Variants in PCED1B observed in about 807,000 individuals in gnomAD.
The protein encoded by PCED1B is PC-esterase domain-containing protein 1B.
For synonymous variants in PCED1B, 251 were observed against 246.1 expected (o/e 1.02, Z -0.19); for missense variants, 573 against 573.9 (o/e 1.00, Z 0.02).
intron 1 of PCED1B, among the ~76,000 whole-genome samples, chr12:47,101,835 A>G (rs534889158): frequency 6.6e-6 from 1 of 152,234 alleles, no homozygotes; most frequent in Admixed American, 6.5e-5. Flanking sequence ...AATCCCAGCT[A>G]CCGGGGAAGC....
At chr12:47,170,386 G>A (rs982678003) in intron 2 of PCED1B, among the ~76,000 whole-genome samples, 3 of 152,122 alleles carry the variant, frequency 2.0e-5, no homozygotes, top group Non-Finnish European at 2.9e-5. Flanking sequence ...ATCATGGCCC[G>A]TTCTCAATGA....
chr12:47,142,060 C>T (rs1350677495), intron 2 of PCED1B, among the ~76,000 whole-genome samples: 2 of 152,188 alleles, frequency 1.3e-5, no homozygotes, highest in Non-Finnish European at 2.9e-5. Flanking sequence ...ATCCATGCAT[C>T]TGGCAACAGG....
intron 1 of PCED1B, among the ~76,000 whole-genome samples, chr12:47,099,700 A>G (rs10785655): frequency 0.85 from 129,243 of 152,162 alleles, 55,377 homozygotes; most frequent in East Asian, 0.96. Flanking sequence ...GCATGAGGAA[A>G]ACAGGAAATT....
intron 2 of PCED1B, among the ~76,000 whole-genome samples, chr12:47,133,790 T>C (rs1940230544): frequency 6.6e-6 from 1 of 152,182 alleles, no homozygotes; most frequent in Non-Finnish European, 1.5e-5. Context: ...AAAAAGTTTA[T>C]ATATTGAAAT....
At chr12:47,091,107 A>G (rs1189347666) in intron 1 of PCED1B, among the ~76,000 whole-genome samples, 1 of 152,148 alleles carries the variant, frequency 6.6e-6, no homozygotes, top group East Asian at 1.9e-4. Context: ...CAACTCTAGT[A>G]GTAACTCCCA....
At chr12:47,090,659 A>T (rs1938224262) in intron 1 of PCED1B, among the ~76,000 whole-genome samples, 1 of 152,148 alleles carries the variant, frequency 6.6e-6, no homozygotes, top group African/African-American at 2.4e-5. Flanking sequence ...AACAACATAG[A>T]TTAGCTCACC....
At chr12:47,175,691 A>G (rs1941900793) in intron 2 of PCED1B, among the ~76,000 whole-genome samples, 1 of 151,982 alleles carries the variant, frequency 6.6e-6, no homozygotes, top group East Asian at 1.9e-4. Context: ...CTCCTGCCTC[A>G]GCCTCCCAAG....
chr12:47,217,470 GAGAAAGAAAGAAAGAAAGAAAGAA>G lies in PCED1B; in HGVS notation c.-58+806_-58+829del, dbSNP rs200992609. ...AAAGAAAGAAAGAAAAAGAAAGAAA[GAGAAAGAAAGAAAGAAAGAAAGAA>G]AGAAAGAAAGAAAGAAAGAAAGAAG... On this transcript the variant is annotated intron_variant, in intron 3 of 3. Transcript: ENST00000546455. Among the ~76,000 whole-genome samples, 30 of 90,870 alleles carry G rather than the reference GAGAAAGAAAGAAAGAAAGAAAGAA, an allele frequency of 3.3e-4. 2 individuals are homozygous for G. The highest frequency in any genetic ancestry group is 1.5e-3 in the African/African-American group (30 of 20,062). The allele number at this position is 90,870 out of a possible 152,430, so 59.6% of individuals were successfully genotyped here. A position where few individuals can be genotyped will look rare whatever the true frequency, so the allele number is the denominator to read the frequency against.
At chr12:47,177,899 A>T (rs771108817) in intron 2 of PCED1B, among the ~76,000 whole-genome samples, 18 of 152,234 alleles carry the variant, frequency 1.2e-4, no homozygotes, top group Middle Eastern at 3.4e-3. Flanking sequence ...GTGAGCCGAG[A>T]TCGTGTCACT....
chr12:47,136,470 G>C (rs967708630), intron 2 of PCED1B, among the ~76,000 whole-genome samples: 6 of 152,144 alleles, frequency 3.9e-5, no homozygotes, highest in African/African-American at 1.4e-4. Context: ...TGAATAATAA[G>C]AAGGCAGCAT....
chr12:47,224,947 T>C (rs1943590919), intron 3 of PCED1B, among the ~76,000 whole-genome samples: 1 of 152,226 alleles, frequency 6.6e-6, no homozygotes, highest in South Asian at 2.1e-4. Flanking sequence ...GTTTTCTTTT[T>C]TTGACACAGA....
At chr12:47,125,726 T>G (rs1187830799) in intron 2 of PCED1B, among the ~76,000 whole-genome samples, 2 of 152,112 alleles carry the variant, frequency 1.3e-5, no homozygotes, top group African/African-American at 4.8e-5. Context: ...GGACAGCTTT[T>G]GTCAGATTCG....
chr12:47,137,039 T>C (rs145224883), intron 2 of PCED1B, among the ~76,000 whole-genome samples: 9 of 152,362 alleles, frequency 5.9e-5, no homozygotes, highest in Admixed American at 5.9e-4. Context: ...TTAAAAGAAC[T>C]CATGAAGTAT....
chr12:47,126,265 A>C (rs1332779918), intron 2 of PCED1B, among the ~76,000 whole-genome samples: 1 of 152,102 alleles, frequency 6.6e-6, no homozygotes, highest in Non-Finnish European at 1.5e-5. Context: ...GTATCTATTG[A>C]GATGATCACA....
chr12:47,235,732 GA>G lies in PCED1B; in HGVS notation c.671del (p.Asn224ThrfsTer213). The G allele has an allele frequency of 2.5e-6, 4 of 1,609,110 alleles. No homozygotes were observed. The highest frequency in any genetic ancestry group is 3.4e-6 in the Non-Finnish European group (4 of 1,177,906). On this transcript the variant is annotated frameshift_variant, in exon 4 of 4. Coordinates refer to ENST00000546455, the MANE Select transcript of PCED1B (RefSeq NM_138371.3). LOFTEE classifies it low-confidence loss of function (END_TRUNC). Reference sequence around the variant, plus strand: ...ATTTCCACTTCCGCCACGCGAGGGAGAACCTGCACTGGGACGGGGTGCACTG... The same window carrying G: ...ATTTCCACTTCCGCCACGCGAGGGAGACCTGCACTGGGACGGGGTGCACTG... Reference protein sequence around the residue: ...LHFHFRHARENLHWDGVHWNG... With the variant: ...LHFHFRHAREXLHWDGVHWNG...
intron 2 of PCED1B, among the ~76,000 whole-genome samples, chr12:47,120,960 A>C (rs1321299997): frequency 6.6e-6 from 1 of 152,208 alleles, no homozygotes; most frequent in Non-Finnish European, 1.5e-5. Flanking sequence ...ATAAAGACAG[A>C]AGGTAGATTC....
rs77514958 is a variant in PCED1B at position 47,139,420 on chromosome 12, C to A, written c.-526+35225C>A. On this transcript the variant is annotated intron_variant, in intron 2 of 3. Transcript: ENST00000546455. ...GGATCTCTAAGGAAAAGGGAGTACACCATGTGCACATCCAGGAAAAGAGAA... is the reference window on the plus strand; with the variant it reads ...GGATCTCTAAGGAAAAGGGAGTACAACATGTGCACATCCAGGAAAAGAGAA... Among the ~76,000 whole-genome samples the A allele has an allele frequency of 5.0e-3, 763 of 152,148 alleles. 2 individuals carry two copies. Among genetic ancestry groups the A allele is most frequent in the African/African-American group, 0.018 (728 of 41,524 alleles).
intron 2 of PCED1B, among the ~76,000 whole-genome samples, chr12:47,150,063 A>G (rs879788102): frequency 1.3e-5 from 2 of 152,222 alleles, no homozygotes; most frequent in African/African-American, 2.4e-5. Context: ...CAATATACCT[A>G]TGTATCAAAT....
intron 3 of PCED1B, 91 bp from the exon 4 acceptor site, chr12:47,234,916 C>A (rs1943923099): frequency 3.2e-6 from 2 of 623,148 alleles, no homozygotes; most frequent in Non-Finnish European, 5.1e-6. Flanking sequence ...ACAGCGCCAT[C>A]CCCTTCCCCA....
Sources: allele counts gnomAD v4.1 joint callset (sites outside exome capture counted in the v4.1 genomes callset), GRCh38; gene constraint gnomAD v4.1.1; transcripts MANE v1.5; gene names NCBI Gene and HGNC (gene_info 2026-07-23, HGNC 2026-07-21).